The following PTPN11 variants were observed in gnomAD, a reference collection of about 807,000 sequenced individuals.
The protein encoded by PTPN11 is protein tyrosine phosphatase non-receptor type 11.
PTPN11 carries 6 observed loss-of-function variants against 78.8 expected under a neutral mutation model. The observed-to-expected ratio is 0.08, with a 90% CI of 0.04 to 0.15. The LOEUF (loss-of-function observed/expected upper bound fraction) is 0.15, where lower values mean the gene tolerates loss of function less well. Among genes scored for constraint, PTPN11 ranks in the 10% least tolerant of loss-of-function variants. The probability of loss-of-function intolerance (pLI) is 1.00; values close to 1 mark genes in which losing one functional copy is unlikely to be tolerated. For missense variants in PTPN11, 386 were observed against 744.8 expected (o/e 0.52, Z 5.61); for synonymous variants, 221 against 263.5 (o/e 0.84, Z 1.56).
In PTPN11 at chr12:112,475,379, C is replaced by T. The variant is rs1011455339; in HGVS notation, c.854-2272C>T. On this transcript the variant is annotated intron_variant, in intron 7 of 15. Transcript: ENST00000351677. ...AGAAAAAGAAAAATTTGTCTGAGGCCTAGATTGATTGCAGGGAGTGCATAA... is the reference window on the plus strand; with the variant it reads ...AGAAAAAGAAAAATTTGTCTGAGGCTTAGATTGATTGCAGGGAGTGCATAA... 4.5e-4 allele frequency among the ~76,000 whole-genome samples: 68 copies of T among 152,028 alleles called. 3 individuals are homozygous for T.
chr12:112,442,068 C>T (rs141090203), intron 1 of PTPN11, among the ~76,000 whole-genome samples: 1,577 of 152,262 alleles, frequency 0.01, 10 homozygotes, highest in South Asian at 0.015. Flanking sequence ...TGAGCCACCG[C>T]GCCTGCCCAA....
intron 6 of PTPN11, among the ~76,000 whole-genome samples, chr12:112,468,305 A>G (rs956394221): frequency 2.0e-5 from 3 of 152,162 alleles, no homozygotes; most frequent in Admixed American, 6.5e-5. Context: ...AAACCCTGAC[A>G]GGAATGTATT....
chr12:112,441,969 G>A (rs993490672), intron 1 of PTPN11, among the ~76,000 whole-genome samples: 1 of 151,706 alleles, frequency 6.6e-6, no homozygotes, highest in East Asian at 1.9e-4. Context: ...AGTAGAGAGG[G>A]GGTTTCACTG....
intron 1 of PTPN11, among the ~76,000 whole-genome samples, chr12:112,434,573 A>G (rs1484969226): frequency 6.6e-6 from 1 of 151,592 alleles, no homozygotes. Context: ...ACGCCACTGC[A>G]TTCCAGCCTG....
intron 2 of PTPN11, among the ~76,000 whole-genome samples, chr12:112,449,431 C>T (rs574925383): frequency 1.8e-4 from 28 of 151,756 alleles, no homozygotes; most frequent in Middle Eastern, 3.4e-3. Flanking sequence ...GGTGTGAACC[C>T]GGGACGTGGA....
intron 1 of PTPN11, among the ~76,000 whole-genome samples, chr12:112,427,195 G>C (rs777547324): frequency 6.6e-6 from 1 of 151,526 alleles, no homozygotes; most frequent in Non-Finnish European, 1.5e-5. Context: ...GCAGTGAGCC[G>C]AGATCGTGTC....
chr12:112,489,503 C>G (rs2038720194), intron 13 of PTPN11, among the ~76,000 whole-genome samples: 1 of 152,172 alleles, frequency 6.6e-6, no homozygotes, highest in Non-Finnish European at 1.5e-5. Flanking sequence ...CTAGCCTGTT[C>G]CAGCCTTGAT....
intron 13 of PTPN11, among the ~76,000 whole-genome samples, chr12:112,490,452 A>G (rs1025335890): frequency 1.3e-5 from 2 of 151,860 alleles, no homozygotes; most frequent in Non-Finnish European, 2.9e-5. Context: ...GACTATAGGC[A>G]TGCGCCACCA....
intron 7 of PTPN11, among the ~76,000 whole-genome samples, chr12:112,476,119 A>G (rs777806594): frequency 2.0e-5 from 3 of 152,212 alleles, no homozygotes; most frequent in South Asian, 2.1e-4. Flanking sequence ...TGTCCTTTCT[A>G]TGTCTAAGTT....
intron 13 of PTPN11, among the ~76,000 whole-genome samples, chr12:112,491,637 CT>C (rs2038745737): frequency 6.6e-6 from 1 of 152,194 alleles, no homozygotes; most frequent in Non-Finnish European, 1.5e-5. Flanking sequence ...TACAGACCAT[CT>C]TCAAATTTTG....
At chr12:112,470,933 C>T (rs956240212) in intron 6 of PTPN11, among the ~76,000 whole-genome samples, 1 of 152,144 alleles carries the variant, frequency 6.6e-6, no homozygotes, top group African/African-American at 2.4e-5. Context: ...GCTCACAGTC[C>T]AAGGAAATGC....
intron 13 of PTPN11, among the ~76,000 whole-genome samples, chr12:112,492,817 C>T (rs901098266): frequency 2.6e-5 from 4 of 152,008 alleles, no homozygotes; most frequent in African/African-American, 9.7e-5. Flanking sequence ...GCGCCCGGCT[C>T]TCATAATACT....
intron 6 of PTPN11, among the ~76,000 whole-genome samples, chr12:112,468,446 G>A (rs1316674005): frequency 6.6e-6 from 1 of 152,158 alleles, no homozygotes; most frequent in African/African-American, 2.4e-5. Context: ...CTTCTGAATT[G>A]TTTGTATTTT....
chr12:112,473,520 T>C (rs2038451622), intron 7 of PTPN11, among the ~76,000 whole-genome samples: 1 of 152,078 alleles, frequency 6.6e-6, no homozygotes, highest in Non-Finnish European at 1.5e-5. Flanking sequence ...CTCAAGTTAC[T>C]GGAGAAAGGG....
intron 1 of PTPN11, among the ~76,000 whole-genome samples, chr12:112,421,683 G>A (rs1226910590): frequency 6.6e-6 from 1 of 152,020 alleles, no homozygotes; most frequent in East Asian, 1.9e-4. Context: ...TGCCCAGGCT[G>A]GAGTGCAGTG....
At chr12:112,445,133 A>G (rs2037971762) in intron 1 of PTPN11, among the ~76,000 whole-genome samples, 1 of 151,770 alleles carries the variant, frequency 6.6e-6, no homozygotes, top group Non-Finnish European at 1.5e-5. Flanking sequence ...GTATTTCTGT[A>G]TTATTATTAT....
intron 11 of PTPN11, among the ~76,000 whole-genome samples, chr12:112,487,373 A>G (rs990063377): frequency 5.9e-5 from 9 of 152,132 alleles, no homozygotes; most frequent in South Asian, 2.1e-4. Flanking sequence ...ACCTCAGGTG[A>G]TCCACCTGCC....
At chr12:112,502,105 A>C in intron 13 of PTPN11, 39 bp from the exon 14 acceptor site, 1 of 1,498,360 alleles carries the variant, frequency 6.7e-7, no homozygotes, top group East Asian at 2.3e-5. Context: ...CCCTTAAAAT[A>C]ACCATTGTCC....
chr12:112,474,403 G>A (rs1301481886), intron 7 of PTPN11, among the ~76,000 whole-genome samples: 1 of 151,782 alleles, frequency 6.6e-6, no homozygotes, highest in South Asian at 2.1e-4. Flanking sequence ...ATTTTTTCTA[G>A]GGCGGGGTCT....
Sources: gnomAD v4.1 joint callset for allele counts (sites outside exome capture counted in the v4.1 genomes callset) on GRCh38, gnomAD v4.1.1 for gene constraint, MANE v1.5 for transcripts, NCBI Gene and HGNC (gene_info 2026-07-23, HGNC 2026-07-21) for gene names.